Variants in RINT1 observed in about 807,000 individuals in gnomAD.
RINT1 encodes RAD50-interacting protein 1.
In RINT1, 75 loss-of-function variants were observed where a neutral mutation model predicts 97.7. The observed-to-expected ratio is 0.77, with a 90% CI of 0.64 to 0.93. RINT1 has a LOEUF of 0.93. RINT1 is among the 40% of genes least tolerant of loss of function. The probability of loss-of-function intolerance (pLI) is 0.00; values close to 1 mark genes in which losing one functional copy is unlikely to be tolerated. For synonymous variants in RINT1, 303 were observed against 326.3 expected, an observed-to-expected ratio of 0.93 and a Z score of 0.77; for missense variants, 892 against 925.2, an observed-to-expected ratio of 0.96 and a Z score of 0.47.
intron 11 of RINT1, among the ~76,000 whole-genome samples, chr7:105,556,353 C>T (rs1471088699): frequency 6.6e-6 from 1 of 151,918 alleles, no homozygotes; most frequent in Non-Finnish European, 1.5e-5. Flanking sequence ...AGGTGTGAGC[C>T]ACCATGCCCA....
Position 105,565,659 on chromosome 7 carries a change from C to A in RINT1, c.2186+11C>A. The A allele has an allele frequency of 1.3e-6, 2 of 1,494,594 alleles. No homozygotes were observed. Among genetic ancestry groups the A allele is most frequent in the Non-Finnish European group, 1.9e-6 (2 of 1,075,628 alleles). The allele number at this position is 1,494,594 out of a possible 1,614,324, so 92.6% of individuals were successfully genotyped here. A position where few individuals can be genotyped will look rare whatever the true frequency, so the allele number is the denominator to read the frequency against. ...AAATTATTTTAAACAGTAAGCTCAA[C>A]ATTTAACAATTAATATTAATGTATC... On this transcript the variant is annotated intron_variant, in intron 14 of 14. Transcript: ENST00000257700.
chr7:105,549,308 T>C (rs1236062425), intron 7 of RINT1, among the ~76,000 whole-genome samples: 3 of 151,568 alleles, frequency 2.0e-5, no homozygotes, highest in Non-Finnish European at 4.4e-5. Flanking sequence ...TTTCTGCTCT[T>C]AAACCTGTAT....
intron 2 of RINT1, among the ~76,000 whole-genome samples, chr7:105,535,367 C>T (rs1231553060): frequency 6.6e-6 from 1 of 151,364 alleles, no homozygotes. Flanking sequence ...GTAGCTGGGA[C>T]TATAAGCGTG....
chr7:105,554,178 G>A (rs1161078296), intron 10 of RINT1, among the ~76,000 whole-genome samples: 6 of 151,694 alleles, frequency 4.0e-5, no homozygotes, highest in Non-Finnish European at 7.4e-5. Context: ...GATTACAGGC[G>A]TGAGCCACTG....
Position 105,550,112 on chromosome 7 carries a change from G to A in RINT1, c.1054G>A (p.Asp352Asn), listed in dbSNP as rs757874364. 5 of 1,613,950 alleles carry A rather than the reference G, an allele frequency of 3.1e-6. No homozygotes were observed. In the Admixed American group the frequency reaches 6.7e-5, roughly 22 times the overall value. Residue 352 changes from aspartate to asparagine, a missense_variant, in exon 8 of 15, where the codon GAT becomes AAT. By Grantham distance (23) the Asp-to-Asn change is conservative. Transcript: ENST00000257700. The stretch of plus-strand genomic sequence containing the variant: ...GATTGGAAACCATACTGAATTTCTG[G>A]ATGAGAAGATTCAGCCAATATTAGA... ...MWIGNHTEFLDEKIQPILDKV... is the reference protein window; with the variant it reads ...MWIGNHTEFLNEKIQPILDKV...
At chr7:105,532,980 T>C (rs1435125198) in intron 2 of RINT1, 111 bp downstream of exon 2, 1 of 910,718 alleles carries the variant, frequency 1.1e-6, no homozygotes, top group Non-Finnish European at 1.8e-6. Context: ...TACCGTTTTC[T>C]GCACAATATG....
chr7:105,537,954 C>A (rs1325132081), intron 3 of RINT1, among the ~76,000 whole-genome samples: 2 of 151,790 alleles, frequency 1.3e-5, no homozygotes, highest in East Asian at 3.9e-4. Context: ...ATAAGTAGGC[C>A]CCTCTACTTG....
chr7:105,532,574 G>GAGGTGGCTCTAGTGAGCAGGCA (rs1790077818), intron 1 of RINT1, among the ~76,000 whole-genome samples: 2 of 152,302 alleles, frequency 1.3e-5, no homozygotes, highest in Middle Eastern at 3.4e-3. Context: ...TTTCTCTAGG[G>GAGGTGGCTCTAGTGAGCAGGCA]AGGTGGCTCT....
intron 11 of RINT1, among the ~76,000 whole-genome samples, chr7:105,561,859 G>T (rs1791454631): frequency 6.6e-6 from 1 of 151,792 alleles, no homozygotes; most frequent in Non-Finnish European, 1.5e-5. Context: ...ACCACGCCTG[G>T]CCGATAGTGT....
chr7:105,541,070 C>G (rs1409810513), intron 3 of RINT1, among the ~76,000 whole-genome samples: 1 of 150,916 alleles, frequency 6.6e-6, no homozygotes, highest in African/African-American at 2.4e-5. Flanking sequence ...GAACTCCTGA[C>G]CTTGTGATCC....
rs1791134750 is a variant in RINT1 at position 105,555,297 on chromosome 7, T to C, written c.1671+70T>C. The C allele has an allele frequency of 3.3e-5, 43 of 1,311,052 alleles. No individual in the cohort carries two copies. The South Asian group carries it at 5.3e-4, about 16-fold the overall frequency. 81.2% of individuals were successfully genotyped at this position (1,311,052 alleles called of 1,614,324 possible). On this transcript the variant is annotated intron_variant, in intron 11 of 14. Coordinates refer to ENST00000257700, the MANE Select transcript of RINT1 (RefSeq NM_021930.6). ...ACTATTTTATTAATACTTTTCAAAA[T>C]GTTGAATCTATTGCAAGCAAAAATA...
At chr7:105,556,638 G>A (rs772743321) in intron 11 of RINT1, among the ~76,000 whole-genome samples, 54 of 152,018 alleles carry the variant, frequency 3.6e-4, no homozygotes, top group Admixed American at 1.4e-3. Flanking sequence ...ATACCATAAG[G>A]CCTTTTCCCT....
chr7:105,566,446 C>T (rs941980630), intron 14 of RINT1: 1 of 152,114 alleles, frequency 6.6e-6, no homozygotes, highest in Non-Finnish European at 1.5e-5. Flanking sequence ...TTGCTTGAGG[C>T]CAGCTGTTTG....
intron 4 of RINT1, 31 bp downstream of exon 4, chr7:105,542,680 C>A: frequency 6.2e-7 from 1 of 1,604,102 alleles, no homozygotes. Flanking sequence ...CTCACAATTA[C>A]TATTTTCCTT....
intron 6 of RINT1, among the ~76,000 whole-genome samples, chr7:105,547,914 A>C (rs1449864628): frequency 6.6e-6 from 1 of 151,328 alleles, no homozygotes; most frequent in Non-Finnish European, 1.5e-5. Flanking sequence ...TTTAGTAGAG[A>C]CGGGGTTTTT....
chr7:105,542,198 A>AGATCTCG, intron 3 of RINT1: 8 of 438,400 alleles, frequency 1.8e-5, no homozygotes, highest in South Asian at 4.4e-5. Context: ...AGCCAGGTGT[A>AGATCTCG]GTGGTGCATA....
rs1049000945 is a variant in RINT1 at position 105,543,269 on chromosome 7, G to A, written c.515+620G>A. On this transcript the variant is annotated intron_variant, in intron 4 of 14. Transcript: ENST00000257700. Reference sequence around the variant, plus strand: ...TAATGCCAAATTAATAAAACACAAAGTTTGGTAATAGTTATTCTTATTTAA... The same window carrying A: ...TAATGCCAAATTAATAAAACACAAAATTTGGTAATAGTTATTCTTATTTAA... 4.8e-4 allele frequency among the ~76,000 whole-genome samples: 73 copies of A among 152,228 alleles called. 1 individual carries two copies. The highest frequency in any genetic ancestry group is 1.7e-3 in the African/African-American group (69 of 41,528).
At chr7:105,552,578 C>T (rs1790974995) in intron 10 of RINT1, among the ~76,000 whole-genome samples, 1 of 151,812 alleles carries the variant, frequency 6.6e-6, no homozygotes, top group Admixed American at 6.6e-5. Context: ...TGGCCCTCTT[C>T]ACCTTCGTCA....
rs750561904 is a variant in RINT1, at chr7:105,532,374, G to A, written c.42+17G>A. ...GCAGCCCCGGTGAGACGGCCCTGGC[G>A]TCCCTGGGAGGGGACATTGGTGGCC... On this transcript the variant is annotated intron_variant, in intron 1 of 14. Coordinates refer to ENST00000257700, the MANE Select transcript of RINT1 (RefSeq NM_021930.6). 1 of 1,598,296 alleles carries A rather than the reference G, an allele frequency of 6.3e-7. No individual in the cohort carries two copies. Among genetic ancestry groups the A allele is most frequent in the Non-Finnish European group, 8.5e-7 (1 of 1,173,936 alleles).
Sources: gnomAD v4.1 joint callset for allele counts (sites outside exome capture counted in the v4.1 genomes callset) on GRCh38, gnomAD v4.1.1 for gene constraint, MANE v1.5 for transcripts, NCBI Gene and HGNC (gene_info 2026-07-23, HGNC 2026-07-21) for gene names.